ATR: variants seen among roughly 807,000 people sequenced by gnomAD.
ATR encodes ATR checkpoint kinase, also known as serine/threonine-protein kinase ATR.
A neutral mutation model predicts 305.3 loss-of-function variants in ATR; 142 were observed. That is an observed-to-expected ratio of 0.47 (90% CI 0.41 to 0.53). ATR has a LOEUF of 0.53. Ranked by LOEUF, ATR falls within the 20% of genes least tolerant of loss-of-function variation. The probability of loss-of-function intolerance (pLI) is 0.00; values close to 1 mark genes in which losing one functional copy is unlikely to be tolerated. For missense variants in ATR, 2,135 were observed against 3,133.1 expected (o/e 0.68, Z 7.60); for synonymous variants, 1,050 against 1,068.1 (o/e 0.98, Z 0.33).
Position 142,522,845 on chromosome 3 carries a change from A to C in ATR, c.4153-4T>G. 6.3e-7 allele frequency: 1 copy of C among 1,597,002 alleles called. No homozygotes were observed. Among genetic ancestry groups the C allele is most frequent in the Non-Finnish European group, 8.6e-7 (1 of 1,164,916 alleles). On this transcript the variant is annotated splice_region_variant and splice_polypyrimidine_tract_variant and intron_variant, in intron 22 of 46. Coordinates refer to ENST00000350721, the MANE Select transcript of ATR (RefSeq NM_001184.4). ...AGCTTGAATCTTCTACTCCAGTCTC[A>C]ATCAGAAAAAAAAAAAAGAAAATTC...
At chr3:142,505,606 C>T (rs1333581888) in intron 28 of ATR, among the ~76,000 whole-genome samples, 1 of 152,136 alleles carries the variant, frequency 6.6e-6, no homozygotes, top group Non-Finnish European at 1.5e-5. Flanking sequence ...ATAACATATT[C>T]TGTTGAGTAT....
At chr3:142,456,366 A>C (rs2070906194) in intron 45 of ATR, among the ~76,000 whole-genome samples, 1 of 152,128 alleles carries the variant, frequency 6.6e-6, no homozygotes, top group Non-Finnish European at 1.5e-5. Context: ...TCAGGAGTTC[A>C]AGACCAGCCT....
rs2034670770 is a variant in ATR at position 142,556,322 on chromosome 3, G to A, written c.2078+61C>T. 6 of 1,554,162 alleles carry A rather than the reference G, an allele frequency of 3.9e-6. No homozygotes were observed. The Admixed American group carries it at 1.0e-4, about 26-fold the overall frequency. ...CAATAAACACAACCCTGCATACATA[G>A]CCAGACAATTATGATCTTTCCAATA... On this transcript the variant is annotated intron_variant, in intron 9 of 46. Coordinates refer to ENST00000350721, the MANE Select transcript of ATR (RefSeq NM_001184.4).
chr3:142,553,477 T>G lies in ATR; in HGVS notation c.2634-79A>C. 5.4e-6 allele frequency: 8 copies of G among 1,491,132 alleles called. No homozygotes were observed. The South Asian group carries it at 9.3e-5, about 17-fold the overall frequency. The allele number at this position is 1,491,132 out of a possible 1,614,324, so 92.4% of individuals were successfully genotyped here. ...ACACACATACACACACATATGTATC[T>G]CCAATATCCCAGAAACAAACGGAAA... On this transcript the variant is annotated intron_variant, in intron 12 of 46. Coordinates refer to ENST00000350721, the MANE Select transcript of ATR (RefSeq NM_001184.4).
intron 13 of ATR, among the ~76,000 whole-genome samples, chr3:142,552,296 CCAAAGGAA>C (rs2034499466): frequency 7.9e-6 from 1 of 126,002 alleles, no homozygotes; most frequent in African/African-American, 3.7e-5. Flanking sequence ...GGGTATATAC[CCAAAGGAA>C]TATAAAAAGG....
chr3:142,516,814 T>C (rs944213243), intron 24 of ATR, among the ~76,000 whole-genome samples: 1 of 152,060 alleles, frequency 6.6e-6, no homozygotes, highest in African/African-American at 2.4e-5. Context: ...TACTTCAACA[T>C]GACCCTTTCT....
chr3:142,560,590 T>G, intron 5 of ATR, 136 bp from the exon 6 acceptor site: 1 of 659,852 alleles, frequency 1.5e-6, no homozygotes. Context: ...AGACAGAGTC[T>G]CACTCTGTCT....
chr3:142,506,353 C>T (rs919795845), intron 28 of ATR, among the ~76,000 whole-genome samples: 3 of 152,084 alleles, frequency 2.0e-5, no homozygotes, highest in African/African-American at 7.2e-5. Flanking sequence ...AAATTGAGAA[C>T]ACAAGTAGAA....
intron 35 of ATR, 124 bp from the exon 36 acceptor site, chr3:142,485,406 G>A: frequency 8.5e-7 from 1 of 1,175,932 alleles, no homozygotes; most frequent in Non-Finnish European, 1.2e-6. Context: ...AAAGTCAAAA[G>A]CAGACTCAAT....
chr3:142,525,331 T>C (rs1479026006), intron 21 of ATR, among the ~76,000 whole-genome samples: 8 of 152,204 alleles, frequency 5.3e-5, no homozygotes, highest in African/African-American at 1.9e-4. Context: ...TGGGCTACTA[T>C]ATTCTCATAA....
intron 34 of ATR, 121 bp from the exon 35 acceptor site, chr3:142,493,432 C>G: frequency 8.8e-7 from 1 of 1,141,906 alleles, no homozygotes; most frequent in Non-Finnish European, 1.2e-6. Context: ...TTATCTTTTA[C>G]TTGCCTCTTA....
intron 46 of ATR, chr3:142,450,134 A>G: frequency 2.8e-6 from 1 of 354,810 alleles, no homozygotes; most frequent in Non-Finnish European, 5.2e-6. Context: ...GAGCACAAAG[A>G]GGAGGGCCAC....
chr3:142,450,475 T>A, intron 46 of ATR: 1 of 1,601,914 alleles, frequency 6.2e-7, no homozygotes, highest in Non-Finnish European at 8.5e-7. Context: ...CTTAATGAGG[T>A]CCACTAAAGA....
At chr3:142,544,415 G>A (rs1235892021) in intron 16 of ATR, among the ~76,000 whole-genome samples, 1 of 119,564 alleles carries the variant, frequency 8.4e-6, no homozygotes, top group East Asian at 2.5e-4. Context: ...TTGCACCACT[G>A]CAGTCCAGCC....
intron 46 of ATR, chr3:142,451,759 A>C (rs953000871): frequency 5.1e-6 from 6 of 1,169,416 alleles, no homozygotes; most frequent in Middle Eastern, 3.6e-4. Flanking sequence ...AAAAAAAAAC[A>C]AAAACTATTT....
intron 29 of ATR, among the ~76,000 whole-genome samples, chr3:142,503,883 T>C (rs1018755871): frequency 3.3e-5 from 5 of 152,330 alleles, no homozygotes; most frequent in South Asian, 2.1e-4. Flanking sequence ...ACATCCAATA[T>C]AAAAAGTATC....
intron 27 of ATR, among the ~76,000 whole-genome samples, chr3:142,508,627 G>A (rs2032378413): frequency 6.6e-6 from 1 of 151,992 alleles, no homozygotes; most frequent in African/African-American, 2.4e-5. Context: ...TATTACAATA[G>A]AAATTGAAAG....
chr3:142,545,254 T>C (rs559018097), intron 16 of ATR, among the ~76,000 whole-genome samples: 1 of 152,224 alleles, frequency 6.6e-6, no homozygotes, highest in South Asian at 2.1e-4. Context: ...GATAATGCTA[T>C]AAGAAAATAA....
At chr3:142,497,530 G>A (rs1391784687) in intron 32 of ATR, among the ~76,000 whole-genome samples, 1 of 151,506 alleles carries the variant, frequency 6.6e-6, no homozygotes, top group Non-Finnish European at 1.5e-5. Context: ...AATAGCCACT[G>A]CACTCCAGCT....
Sources: allele counts gnomAD v4.1 joint callset (sites outside exome capture counted in the v4.1 genomes callset), GRCh38; gene constraint gnomAD v4.1.1; transcripts MANE v1.5; gene names NCBI Gene and HGNC (gene_info 2026-07-23, HGNC 2026-07-21).